PDZD2: variants seen among roughly 807,000 people sequenced by gnomAD.
PDZD2 encodes PDZ domain-containing protein 2.
A neutral mutation model predicts 220.7 loss-of-function variants in PDZD2; 90 were observed. The ratio of observed to expected loss-of-function variants is 0.41; its 90% CI spans 0.34 to 0.49. The LOEUF (loss-of-function observed/expected upper bound fraction) is 0.49. Ranked by LOEUF, PDZD2 falls within the 20% of genes least tolerant of loss-of-function variation. The probability of loss-of-function intolerance (pLI) is 0.28; values close to 1 mark genes in which losing one functional copy is unlikely to be tolerated. For synonymous variants in PDZD2, 1,375 were observed against 1,450.5 expected (o/e 0.95, Z 1.18); for missense variants, 3,174 against 3,608.5 (o/e 0.88, Z 3.08).
chr5:31,902,487 C>CTT (rs35993323), intron 2 of PDZD2, among the ~76,000 whole-genome samples: 1 of 136,746 alleles, frequency 7.3e-6, no homozygotes. Context: ...ACTTTTTTTT[C>CTT]TTTTTTTTTT....
chr5:32,034,818 C>T (rs527427564), intron 6 of PDZD2, among the ~76,000 whole-genome samples: 206 of 152,252 alleles, frequency 1.4e-3, no homozygotes, highest in Admixed American at 2.7e-3. Context: ...TGGCCCAGAG[C>T]TCAGGATGTC....
intron 2 of PDZD2, among the ~76,000 whole-genome samples, chr5:31,899,246 T>A (rs1741868442): frequency 6.6e-6 from 1 of 152,178 alleles, no homozygotes; most frequent in Admixed American, 6.5e-5. Flanking sequence ...TTCTCCTACC[T>A]CAGCCTCCCA....
intron 2 of PDZD2, among the ~76,000 whole-genome samples, chr5:31,860,439 A>G (rs1737583392): frequency 6.6e-6 from 1 of 152,116 alleles, no homozygotes; most frequent in African/African-American, 2.4e-5. Flanking sequence ...AGCTTCCAAA[A>G]TTGTGTTGCA....
At chr5:31,810,740 C>A (rs1441274189) in intron 2 of PDZD2, among the ~76,000 whole-genome samples, 1 of 152,250 alleles carries the variant, frequency 6.6e-6, no homozygotes, top group Non-Finnish European at 1.5e-5. Flanking sequence ...CAGACTTGCA[C>A]TTGCATCTTC....
chr5:31,796,967 G>A lies in PDZD2; in HGVS notation c.-360-1922G>A, dbSNP rs537851448. Among the ~76,000 whole-genome samples, 7 of 149,018 alleles carry A rather than the reference G, an allele frequency of 4.7e-5. No homozygotes were observed. In the East Asian group the frequency reaches 7.9e-4, roughly 17 times the overall value. Reference sequence around the variant, plus strand: ...TTTTGAGACGGAGTCTGGCTCTGTCGCCCAGGCTGGAGTGCAGTGGCGAGA... The same window carrying A: ...TTTTGAGACGGAGTCTGGCTCTGTCACCCAGGCTGGAGTGCAGTGGCGAGA... On this transcript the variant is annotated intron_variant, in intron 1 of 24. Transcript: ENST00000438447.
chr5:31,762,720 G>T (rs1473120619), intron 1 of PDZD2, among the ~76,000 whole-genome samples: 10 of 152,184 alleles, frequency 6.6e-5, no homozygotes, highest in Non-Finnish European at 1.5e-4. Flanking sequence ...GAGTACAGTG[G>T]GCTGAGTGCA....
intron 2 of PDZD2, among the ~76,000 whole-genome samples, chr5:31,871,483 G>T (rs1044410948): frequency 1.3e-5 from 2 of 152,060 alleles, no homozygotes; most frequent in Non-Finnish European, 2.9e-5. Context: ...AGACAGTCTC[G>T]CTCTGTCATC....
At chr5:31,918,584 A>T (rs1743888338) in intron 2 of PDZD2, among the ~76,000 whole-genome samples, 1 of 152,256 alleles carries the variant, frequency 6.6e-6, no homozygotes, top group Admixed American at 6.5e-5. Context: ...ATGGTTAATC[A>T]TGCTAGTTTA....
intron 2 of PDZD2, among the ~76,000 whole-genome samples, chr5:31,852,508 ACT>A (rs1333660340): frequency 2.0e-5 from 3 of 151,358 alleles, no homozygotes; most frequent in African/African-American, 7.3e-5. Flanking sequence ...CTGCTCTCAA[ACT>A]TCTGACCTCA....
chr5:31,886,192 C>G (rs1740455708), intron 2 of PDZD2, among the ~76,000 whole-genome samples: 2 of 152,156 alleles, frequency 1.3e-5, no homozygotes, highest in Non-Finnish European at 1.5e-5. Flanking sequence ...AGCCACTGTG[C>G]CCAGCCATTG....
At chr5:31,952,880 T>C (rs1372284861) in intron 2 of PDZD2, among the ~76,000 whole-genome samples, 1 of 151,486 alleles carries the variant, frequency 6.6e-6, no homozygotes, top group Non-Finnish European at 1.5e-5. Context: ...GCCAACATGG[T>C]GAAACCCTGT....
intron 2 of PDZD2, among the ~76,000 whole-genome samples, chr5:31,850,047 TATAC>T (rs369830237): frequency 0.035 from 4,455 of 128,004 alleles, 793 homozygotes; most frequent in African/African-American, 0.057. Context: ...CGTATATATA[TATAC>T]GTGTATATAT....
At chr5:31,980,455 G>A (rs904299106) in intron 2 of PDZD2, among the ~76,000 whole-genome samples, 1 of 152,232 alleles carries the variant, frequency 6.6e-6, no homozygotes, top group African/African-American at 2.4e-5. Flanking sequence ...GGAAGACCCA[G>A]CTGTCAGGTG....
intron 14 of PDZD2, among the ~76,000 whole-genome samples, chr5:32,067,480 A>G (rs1445746252): frequency 6.6e-6 from 1 of 152,122 alleles, no homozygotes; most frequent in East Asian, 1.9e-4. Context: ...ATGTATGTGT[A>G]CATGTTTTAT....
At chr5:31,644,565 C>T (rs538704454) in intron 1 of PDZD2, among the ~76,000 whole-genome samples, 2 of 152,312 alleles carry the variant, frequency 1.3e-5, no homozygotes, top group Admixed American at 6.5e-5. Context: ...GGAGAAGACA[C>T]ATTTGTCTTT....
chr5:31,908,371 A>G, intron 2 of PDZD2: 1 of 349,046 alleles, frequency 2.9e-6, no homozygotes, highest in South Asian at 5.1e-5. Flanking sequence ...ATGATTATCT[A>G]CTGGGACCTT....
At chr5:31,876,030 G>A (rs1225105868) in intron 2 of PDZD2, among the ~76,000 whole-genome samples, 3 of 152,112 alleles carry the variant, frequency 2.0e-5, no homozygotes, top group African/African-American at 7.2e-5. Flanking sequence ...TTTCACTGAA[G>A]TTATTAATTG....
At chr5:31,928,395 A>ATC (rs1452470773) in intron 2 of PDZD2, among the ~76,000 whole-genome samples, 1 of 152,168 alleles carries the variant, frequency 6.6e-6, no homozygotes, top group Non-Finnish European at 1.5e-5. Context: ...TTCATAGAGC[A>ATC]TCTCCTTCTT....
intron 2 of PDZD2, among the ~76,000 whole-genome samples, chr5:31,881,458 A>G (rs1739918844): frequency 6.7e-6 from 1 of 148,316 alleles, no homozygotes; most frequent in Non-Finnish European, 1.5e-5. Context: ...GCTCACTGCA[A>G]CCTCTGCCTC....
Sources: allele counts gnomAD v4.1 joint callset (sites outside exome capture counted in the v4.1 genomes callset), GRCh38; gene constraint gnomAD v4.1.1; transcripts MANE v1.5; gene names NCBI Gene and HGNC (gene_info 2026-07-23, HGNC 2026-07-21).